Variants in PPP4R3A observed in about 807,000 individuals in gnomAD.
The protein encoded by PPP4R3A is protein phosphatase 4 regulatory subunit 3A, also known as serine/threonine-protein phosphatase 4 regulatory subunit 3A.
PPP4R3A carries 15 observed loss-of-function variants against 91.7 expected under a neutral mutation model. The ratio of observed to expected loss-of-function variants is 0.16; its 90% CI spans 0.11 to 0.25. The LOEUF is 0.25. Among genes scored for constraint, PPP4R3A ranks in the 10% least tolerant of loss-of-function variants. The pLI, the probability that PPP4R3A is intolerant of heterozygous loss-of-function variation, is 1.00. For missense variants in PPP4R3A, 623 were observed against 998.4 expected (o/e 0.62, Z 5.07); for synonymous variants, 377 against 348.7 (o/e 1.08, Z -0.91).
chr14:91,477,202 G>A (rs989174153), intron 4 of PPP4R3A, among the ~76,000 whole-genome samples: 7 of 151,524 alleles, frequency 4.6e-5, no homozygotes, highest in Non-Finnish European at 8.8e-5. Context: ...TAAAGGCCAG[G>A]TAGTAAATAT....
intron 1 of PPP4R3A, among the ~76,000 whole-genome samples, chr14:91,504,457 C>T (rs774540837): frequency 6.6e-6 from 1 of 151,856 alleles, no homozygotes; most frequent in Non-Finnish European, 1.5e-5. Context: ...CAGAAATTCA[C>T]CAGGCGTGGT....
At position 91,509,361 on chromosome 14, in the gene PPP4R3A, C is replaced by A. The variant is rs917984661; in HGVS notation, c.142+145G>T. The A allele has an allele frequency of 5.1e-6, 6 of 1,176,894 alleles. No individual in the cohort carries two copies. In the African/African-American group the frequency reaches 9.2e-5, roughly 18 times the overall value. The allele number at this position is 1,176,894 out of a possible 1,614,324, so 72.9% of individuals were successfully genotyped here. ...GGGAGCTCCCGCAAGACTGGGGTAC[C>A]TGGGGCCCGTCCTCCCCCGAGGTGG... is the stretch of plus-strand genomic sequence containing the variant. On this transcript the variant is annotated intron_variant, in intron 1 of 14. Transcript: ENST00000554943.
chr14:91,505,522 A>C, intron 1 of PPP4R3A, among the ~76,000 whole-genome samples: 1 of 152,052 alleles, frequency 6.6e-6, no homozygotes, highest in Admixed American at 6.6e-5. Context: ...AGCACTGACC[A>C]CCAAATTAGC....
intron 10 of PPP4R3A, among the ~76,000 whole-genome samples, chr14:91,468,582 T>C (rs541889558): frequency 6.2e-5 from 9 of 145,196 alleles, no homozygotes; most frequent in South Asian, 4.3e-4. Flanking sequence ...GGCAGGAGAA[T>C]TGCTTGAACC....
At chr14:91,479,158 G>T (rs11626225) in intron 4 of PPP4R3A, among the ~76,000 whole-genome samples, 74,623 of 151,640 alleles carry the variant, frequency 0.49, 18,677 homozygotes, top group Admixed American at 0.53. Flanking sequence ...AATTTTTGTA[G>T]TTTTAGTAGA....
chr14:91,485,195 A>C (rs12886821), intron 3 of PPP4R3A, among the ~76,000 whole-genome samples: 11,313 of 152,330 alleles, frequency 0.074, 526 homozygotes, highest in Middle Eastern at 0.19. Context: ...GAAAACTACA[A>C]AAGTAAAAAT....
intron 14 of PPP4R3A, 92 bp downstream of exon 14, chr14:91,461,289 G>A (rs1007512290): frequency 6.2e-6 from 7 of 1,127,044 alleles, no homozygotes; most frequent in African/African-American, 6.2e-5. Flanking sequence ...TCAGTTCTAG[G>A]TGGCAGTAAC....
At position 91,505,175 on chromosome 14, in the gene PPP4R3A, G is replaced by A. The variant is rs549591488; in HGVS notation, c.142+4331C>T. 1.3e-3 allele frequency among the ~76,000 whole-genome samples: 191 copies of A among 152,232 alleles called. 3 individuals carry two copies. The highest frequency in any genetic ancestry group is 3.3e-3 in the Admixed American group (50 of 15,278). The stretch of plus-strand genomic sequence containing the variant: ...CTTATTAAAAAAAAGAAACGCGGCC[G>A]GGTGTGGTGGCTCACGCCTGTAATC... On this transcript the variant is annotated intron_variant, in intron 1 of 14. Coordinates refer to ENST00000554943, the MANE Select transcript of PPP4R3A (RefSeq NM_001366432.2).
intron 1 of PPP4R3A, 129 bp downstream of exon 1, chr14:91,509,377 C>A: frequency 3.7e-6 from 5 of 1,364,496 alleles, no homozygotes; most frequent in Admixed American, 2.2e-5. Context: ...CCCGTCCTCC[C>A]CCGAGGTGGC....
At chr14:91,465,787 C>G (rs1215920125) in intron 10 of PPP4R3A, among the ~76,000 whole-genome samples, 1 of 152,104 alleles carries the variant, frequency 6.6e-6, no homozygotes, top group Non-Finnish European at 1.5e-5. Context: ...TTATATCCAC[C>G]TTAATAGAAA....
intron 1 of PPP4R3A, among the ~76,000 whole-genome samples, chr14:91,499,204 G>A (rs1375692741): frequency 6.6e-6 from 1 of 151,788 alleles, no homozygotes. Context: ...GGTTGAGGCT[G>A]CAGTGAGCTC....
chr14:91,490,367 T>C (rs1463432563), intron 2 of PPP4R3A, among the ~76,000 whole-genome samples: 1 of 152,218 alleles, frequency 6.6e-6, no homozygotes, highest in East Asian at 1.9e-4. Flanking sequence ...GATTCCTATC[T>C]ACACAGTACT....
rs1888202435 is a variant in PPP4R3A at position 91,462,195 on chromosome 14, C to A, written c.2018G>T (p.Arg673Ile). Residue 673 changes from arginine (R) to isoleucine (I), a missense_variant, in exon 13 of 15, where the codon AGA becomes ATA. By Grantham distance (97) the Arg-to-Ile change is moderately conservative. Around this residue, in one of 5 missense-constraint regions of PPP4R3A, gnomAD observed 201 missense variants for 229.9 expected, o/e 0.87. Transcript: ENST00000554943. ...CATCTCTTCTTCATCTTCTAGTGTT[C>A]TGGCATCTCTTCGATATCTGTGATT... is the stretch of plus-strand genomic sequence containing the variant. ...LRNHRYRRDA[R>I]TLEDEEEMWF... The A allele has an allele frequency of 6.3e-7, 1 of 1,599,766 alleles. No individual in the cohort carries two copies.
At chr14:91,460,256 A>AC (rs1229163830) in intron 14 of PPP4R3A, among the ~76,000 whole-genome samples, 5 of 151,430 alleles carry the variant, frequency 3.3e-5, no homozygotes, top group East Asian at 3.9e-4. Flanking sequence ...CTCGTGACCC[A>AC]CCCCCCTGGA....
chr14:91,493,794 C>T (rs1303167349), intron 1 of PPP4R3A, among the ~76,000 whole-genome samples: 12 of 136,652 alleles, frequency 8.8e-5, no homozygotes, highest in East Asian at 4.2e-4. Flanking sequence ...TTTTTTGAGA[C>T]GGAGTTTCAC....
chr14:91,474,098 A>G (rs1437030485), intron 7 of PPP4R3A, among the ~76,000 whole-genome samples: 2 of 152,170 alleles, frequency 1.3e-5, no homozygotes, highest in East Asian at 1.9e-4. Context: ...GAGTCCTTCT[A>G]TTTATGGCCA....
intron 3 of PPP4R3A, 67 bp from the exon 4 acceptor site, chr14:91,482,260 T>C: frequency 6.8e-7 from 1 of 1,461,960 alleles, no homozygotes; most frequent in Non-Finnish European, 9.1e-7. Flanking sequence ...AATGCTACTC[T>C]AAGATGAATA....
At chr14:91,493,662 T>C (rs1296343595) in intron 1 of PPP4R3A, among the ~76,000 whole-genome samples, 1 of 150,760 alleles carries the variant, frequency 6.6e-6, no homozygotes, top group African/African-American at 2.5e-5. Flanking sequence ...TATAAAAATC[T>C]CCAACTATCT....
chr14:91,468,093 C>T (rs1888588330), intron 10 of PPP4R3A, among the ~76,000 whole-genome samples: 1 of 152,078 alleles, frequency 6.6e-6, no homozygotes, highest in African/African-American at 2.4e-5. Flanking sequence ...ACTTATATAT[C>T]CTCAACCCTG....
Sources: allele counts gnomAD v4.1 joint callset (sites outside exome capture counted in the v4.1 genomes callset), GRCh38; gene constraint gnomAD v4.1.1; regional missense constraint gnomAD v4.1.1; transcripts MANE v1.5; gene names NCBI Gene and HGNC (gene_info 2026-07-23, HGNC 2026-07-21).